The following COL15A1 variants were observed in gnomAD, a reference collection of about 807,000 sequenced individuals.
The protein encoded by COL15A1 is collagen alpha-1(XV) chain.
COL15A1 carries 111 observed loss-of-function variants against 165.9 expected under a neutral mutation model. The ratio of observed to expected loss-of-function variants is 0.67; its 90% CI spans 0.57 to 0.78. The LOEUF (loss-of-function observed/expected upper bound fraction) is 0.78. Among genes scored for constraint, COL15A1 ranks in the 30% least tolerant of loss-of-function variants. The probability of loss-of-function intolerance (pLI) is 0.00; values close to 1 mark genes in which losing one functional copy is unlikely to be tolerated. For synonymous variants in COL15A1, 659 were observed against 674.8 expected, an observed-to-expected ratio of 0.98 and a Z score of 0.36; for missense variants, 1,745 against 1,789.7, an observed-to-expected ratio of 0.98 and a Z score of 0.45.
At chr9:99,056,463 C>T in intron 35 of COL15A1, 59 bp downstream of exon 35, 1 of 1,523,880 alleles carries the variant, frequency 6.6e-7, no homozygotes, top group Non-Finnish European at 8.8e-7. Flanking sequence ...TTCAAGGTCA[C>T]AGCATCTGGG....
intron 29 of COL15A1, 47 bp downstream of exon 29, chr9:99,049,805 G>A: frequency 2.5e-6 from 4 of 1,614,242 alleles, no homozygotes; most frequent in Non-Finnish European, 3.4e-6. Context: ...GCCTAAGCTG[G>A]AGTCAGGTGT....
At chr9:99,043,268 C>T (rs987570921) in intron 24 of COL15A1, among the ~76,000 whole-genome samples, 5 of 152,108 alleles carry the variant, frequency 3.3e-5, no homozygotes, top group African/African-American at 9.6e-5. Flanking sequence ...TTTGGCATCA[C>T]GTGGGGATGT....
rs765190761 is a variant in COL15A1, at chr9:99,056,404, G to A, written c.3337G>A (p.Ala1113Thr). ...AGGACCTCCAGCTATCCTGGGAGCA[G>A]GTTAGTGCCGTAAACAGTGCCCTTG... ...PPGPPAILGA[A>T]VALPGPPGPP... Residue 1113 changes from alanine to threonine, a missense_variant and splice_region_variant, in exon 35 of 42, where the codon GCT (alanine) becomes ACT (threonine). Ala to Thr is a moderately conservative substitution (Grantham distance 58, BLOSUM62 0). Coordinates refer to ENST00000375001, the MANE Select transcript of COL15A1 (RefSeq NM_001855.5). The A allele has an allele frequency of 2.5e-6, 4 of 1,607,542 alleles. No individual in the cohort carries two copies. Among genetic ancestry groups the A allele is most frequent in the African/African-American group, 1.3e-5 (1 of 74,682 alleles).
chr9:99,035,531 G>T, intron 19 of COL15A1, 113 bp downstream of exon 19: 5 of 1,317,184 alleles, frequency 3.8e-6, no homozygotes, highest in Non-Finnish European at 5.4e-6. Flanking sequence ...CCTTCTCTGT[G>T]CCTCCAGCCC....
intron 2 of COL15A1, among the ~76,000 whole-genome samples, chr9:98,964,621 A>T (rs1180105443): frequency 1.3e-5 from 2 of 152,190 alleles, no homozygotes; most frequent in African/African-American, 2.4e-5. Context: ...CCCACCACAG[A>T]TTCAAATGCA....
chr9:98,964,991 G>A (rs1380997261), intron 2 of COL15A1, among the ~76,000 whole-genome samples: 2 of 152,168 alleles, frequency 1.3e-5, no homozygotes, highest in East Asian at 1.9e-4. Context: ...GGGACGCCCC[G>A]GGCTGTTCCC....
chr9:99,049,611 T>C, intron 28 of COL15A1, 79 bp from the exon 29 acceptor site: 2 of 1,577,132 alleles, frequency 1.3e-6, no homozygotes, highest in Non-Finnish European at 1.7e-6. Flanking sequence ...CTTTCCTTCC[T>C]CTGGAGGAAG....
At chr9:99,009,217 G>C (rs1257173790) in intron 9 of COL15A1, among the ~76,000 whole-genome samples, 1 of 152,192 alleles carries the variant, frequency 6.6e-6, no homozygotes, top group Admixed American at 6.5e-5. Flanking sequence ...AACAACTGTG[G>C]ATGACAAAAG....
At chr9:99,001,482 G>A (rs1157536774) in intron 7 of COL15A1, among the ~76,000 whole-genome samples, 1 of 152,156 alleles carries the variant, frequency 6.6e-6, no homozygotes, top group Admixed American at 6.5e-5. Flanking sequence ...GAAAACTTAA[G>A]ACAGTTCTCA....
intron 35 of COL15A1, among the ~76,000 whole-genome samples, chr9:99,057,588 A>G (rs756913041): frequency 6.6e-5 from 10 of 152,292 alleles, no homozygotes; most frequent in Non-Finnish European, 1.2e-4. Flanking sequence ...TAACATCCCC[A>G]TTGTACAGGT....
At position 98,986,053 on chromosome 9, in the gene COL15A1, G is replaced by A. The variant is rs1276419881; in HGVS notation, c.589G>A (p.Glu197Lys). 2 of 1,613,946 alleles carry A rather than the reference G, an allele frequency of 1.2e-6. No homozygotes were observed. Among genetic ancestry groups the A allele is most frequent in the Non-Finnish European group, 8.5e-7 (1 of 1,180,050 alleles). Residue 197 changes from glutamate to lysine, a missense_variant, in exon 3 of 42, where the codon GAG becomes AAG. Physicochemically the swap from Glu to Lys is moderately conservative, Grantham distance 56. Transcript: ENST00000375001. ...FQRSSQALAF[E>K]SSAGIFMGNA... is the part of the protein sequence containing the mutation. Reference sequence around the variant, plus strand: ...GCGGTCCTCCCAGGCTTTGGCTTTTGAGTCCAGCGCTGGAATCTTCATGGG... The same window carrying A: ...GCGGTCCTCCCAGGCTTTGGCTTTTAAGTCCAGCGCTGGAATCTTCATGGG...
intron 34 of COL15A1, 34 bp downstream of exon 34, chr9:99,055,406 A>G (rs374271745): frequency 3.0e-6 from 4 of 1,332,198 alleles, no homozygotes; most frequent in Non-Finnish European, 4.3e-6. Flanking sequence ...ATCTACCCCA[A>G]AGACTTACAG....
chr9:99,068,245 C>G (rs528642843), intron 40 of COL15A1, among the ~76,000 whole-genome samples: 18 of 152,104 alleles, frequency 1.2e-4, no homozygotes, highest in African/African-American at 4.3e-4. Flanking sequence ...GTGGGTGGAT[C>G]ACCTGAGGTC....
At chr9:98,986,917 G>A (rs1272852204) in intron 3 of COL15A1, among the ~76,000 whole-genome samples, 1 of 152,164 alleles carries the variant, frequency 6.6e-6, no homozygotes, top group Non-Finnish European at 1.5e-5. Flanking sequence ...TTCTTGGGAC[G>A]AGGCCTTCAA....
At chr9:98,965,002 AG>A (rs956862036) in intron 2 of COL15A1, among the ~76,000 whole-genome samples, 1 of 152,196 alleles carries the variant, frequency 6.6e-6, no homozygotes, top group Non-Finnish European at 1.5e-5. Context: ...GGCTGTTCCC[AG>A]GGCAGCTTGA....
chr9:98,984,431 C>T (rs755947448), intron 2 of COL15A1, among the ~76,000 whole-genome samples: 1 of 152,248 alleles, frequency 6.6e-6, no homozygotes, highest in East Asian at 1.9e-4. Flanking sequence ...GTGGCATAGC[C>T]TCTGGGGTCA....
intron 9 of COL15A1, among the ~76,000 whole-genome samples, chr9:99,010,707 G>T (rs1207735356): frequency 6.6e-6 from 1 of 152,170 alleles, no homozygotes; most frequent in Non-Finnish European, 1.5e-5. Context: ...ATGCTGAGTT[G>T]GTCACGTCCC....
chr9:98,984,206 C>T (rs982219746), intron 2 of COL15A1, among the ~76,000 whole-genome samples: 12 of 152,358 alleles, frequency 7.9e-5, no homozygotes, highest in African/African-American at 2.9e-4. Flanking sequence ...GTCCATTGTC[C>T]TGGCTACAGT....
intron 2 of COL15A1, among the ~76,000 whole-genome samples, chr9:98,972,764 G>T (rs990987766): frequency 6.6e-6 from 1 of 152,210 alleles, no homozygotes; most frequent in African/African-American, 2.4e-5. Context: ...TGAGAGCAAG[G>T]TGAACTGGCC....
Sources: allele counts gnomAD v4.1 joint callset (sites outside exome capture counted in the v4.1 genomes callset), GRCh38; gene constraint gnomAD v4.1.1; transcripts MANE v1.5; gene names NCBI Gene and HGNC (gene_info 2026-07-23, HGNC 2026-07-21).